Variants in CACNA2D2 observed in about 807,000 individuals in gnomAD.
The protein encoded by CACNA2D2 is calcium voltage-gated channel auxiliary subunit alpha2delta 2.
In CACNA2D2, 48 loss-of-function variants were observed where a neutral mutation model predicts 166.4. The observed-to-expected ratio is 0.29, with a 90% CI of 0.23 to 0.37. CACNA2D2 has a LOEUF of 0.37. CACNA2D2 is among the 10% of genes least tolerant of loss of function. The pLI is 1.00. For missense variants in CACNA2D2, 1,122 were observed against 1,433.0 expected, an observed-to-expected ratio of 0.78 and a Z score of 3.50; for synonymous variants, 561 against 573.7, an observed-to-expected ratio of 0.98 and a Z score of 0.32.
chr3:50,492,123 G>A (rs1321525416), intron 1 of CACNA2D2, among the ~76,000 whole-genome samples: 1 of 152,228 alleles, frequency 6.6e-6, no homozygotes, highest in Non-Finnish European at 1.5e-5. Flanking sequence ...CGCAAGATGA[G>A]AATGAAGTCT....
chr3:50,420,936 G>C (rs1707529519), intron 3 of CACNA2D2, among the ~76,000 whole-genome samples: 1 of 152,214 alleles, frequency 6.6e-6, no homozygotes. Flanking sequence ...GGCCTGGGCA[G>C]TTCCCAGGTG....
chr3:50,402,394 C>T (rs1706490723), intron 3 of CACNA2D2, among the ~76,000 whole-genome samples: 1 of 152,218 alleles, frequency 6.6e-6, no homozygotes, highest in Non-Finnish European at 1.5e-5. Flanking sequence ...CCACGTGCTG[C>T]AGGAAAGGTC....
Position 50,427,895 on chromosome 3 carries a change from C to T in CACNA2D2, c.405+6418G>A, listed in dbSNP as rs1311128964. On this transcript the variant is annotated intron_variant, in intron 3 of 37. Coordinates refer to ENST00000424201, the MANE Select transcript of CACNA2D2 (RefSeq NM_006030.4). This position sits in a 1 kb window ranked among gnomAD's most constrained non-coding sequence, Gnocchi z 4.7. ...TCTCACCCTCGTCAGTGAATGCACC[C>T]GTGGACTCAGCTGAACTGGCCTCCA... 6.6e-6 allele frequency among the ~76,000 whole-genome samples: 1 copy of T among 152,206 alleles called. No individual in the cohort carries two copies. Among genetic ancestry groups the T allele is most frequent in the Non-Finnish European group, 1.5e-5 (1 of 68,032 alleles).
At chr3:50,402,105 C>T (rs1169332663) in intron 3 of CACNA2D2, among the ~76,000 whole-genome samples, 1 of 152,226 alleles carries the variant, frequency 6.6e-6, no homozygotes, top group Non-Finnish European at 1.5e-5. Context: ...CAGGTGGTAA[C>T]AAGTATTCCA....
At chr3:50,418,180 C>T (rs904913713) in intron 3 of CACNA2D2, among the ~76,000 whole-genome samples, 5 of 152,084 alleles carry the variant, frequency 3.3e-5, no homozygotes, top group Admixed American at 6.5e-5. Flanking sequence ...TCTGCAGAGC[C>T]GCAGAAGAGG....
chr3:50,436,220 G>A (rs961235923), intron 2 of CACNA2D2, among the ~76,000 whole-genome samples: 2 of 152,158 alleles, frequency 1.3e-5, no homozygotes, highest in African/African-American at 2.4e-5. Flanking sequence ...GATGCCTCTG[G>A]AGAGTGGTGC....
intron 3 of CACNA2D2, among the ~76,000 whole-genome samples, chr3:50,418,083 A>T (rs1464401846): frequency 1.3e-5 from 2 of 152,178 alleles, no homozygotes; most frequent in African/African-American, 4.8e-5. Context: ...GCAGGACTGT[A>T]CTTGTGCTCC....
chr3:50,368,404 G>A (rs1200216366), intron 23 of CACNA2D2, among the ~76,000 whole-genome samples, 169 bp from the exon 24 acceptor site: 2 of 152,096 alleles, frequency 1.3e-5, no homozygotes, highest in African/African-American at 4.8e-5. Flanking sequence ...AGGCTGCTCG[G>A]GTCTGAGTCG....
chr3:50,412,588 GTTTTTC>G (rs1339800738), intron 3 of CACNA2D2, among the ~76,000 whole-genome samples: 14 of 122,594 alleles, frequency 1.1e-4, no homozygotes. Flanking sequence ...CATTGGCCAT[GTTTTTC>G]TTTTCTTTTT....
chr3:50,405,444 C>T (rs535960922), intron 3 of CACNA2D2, among the ~76,000 whole-genome samples: 2 of 152,288 alleles, frequency 1.3e-5, no homozygotes, highest in South Asian at 4.1e-4. Flanking sequence ...ACTTTCAGCA[C>T]CATGGACAGA....
intron 1 of CACNA2D2, 91 bp downstream of exon 1, chr3:50,503,127 G>A: frequency 1.4e-6 from 1 of 722,330 alleles, no homozygotes; most frequent in Admixed American, 5.1e-5. Context: ...CTCTGCCCTG[G>A]CGCGGAGCGC....
At chr3:50,420,306 A>T (rs77495508) in intron 3 of CACNA2D2, among the ~76,000 whole-genome samples, 3 of 152,190 alleles carry the variant, frequency 2.0e-5, no homozygotes, top group Non-Finnish European at 4.4e-5. Flanking sequence ...GGGTCCATCA[A>T]TGTGGCAGGC....
chr3:50,487,810 T>C (rs1698354067), intron 1 of CACNA2D2, among the ~76,000 whole-genome samples: 1 of 152,178 alleles, frequency 6.6e-6, no homozygotes. Context: ...CAACTTTCTG[T>C]AAATTCCCAA....
At chr3:50,456,493 A>G (rs2106983249) in intron 2 of CACNA2D2, among the ~76,000 whole-genome samples, 1 of 152,280 alleles carries the variant, frequency 6.6e-6, no homozygotes, top group South Asian at 2.1e-4. Flanking sequence ...GTTCTGGCTC[A>G]AGCTTGCTAG....
chr3:50,381,266 G>C lies in CACNA2D2; in HGVS notation c.653-140C>G, dbSNP rs908752638. On this transcript the variant is annotated intron_variant, in intron 6 of 37. Transcript: ENST00000424201. ...TATCCAGGCCCTCCCTATTTCCTAG[G>C]GCCCAGCTGGGGCTGCCCCAGCTCC... The C allele has an allele frequency of 1.1e-5, 10 of 934,790 alleles. No individual in the cohort carries two copies. The Admixed American group carries it at 2.2e-4, about 21-fold the overall frequency. The allele number at this position is 934,790 out of a possible 1,614,324, so 57.9% of individuals were successfully genotyped here.
At chr3:50,418,632 G>A (rs1315503399) in intron 3 of CACNA2D2, among the ~76,000 whole-genome samples, 1 of 152,234 alleles carries the variant, frequency 6.6e-6, no homozygotes, top group African/African-American at 2.4e-5. Flanking sequence ...GGGCCAGTGT[G>A]CAGGGATCTT....
chr3:50,456,083 C>T (rs1474005677), intron 2 of CACNA2D2, among the ~76,000 whole-genome samples: 7 of 152,140 alleles, frequency 4.6e-5, no homozygotes, highest in South Asian at 2.1e-4. Context: ...CTTGTGACAC[C>T]CCAGAAGGGA....
At chr3:50,462,779 T>G (rs991573068) in intron 2 of CACNA2D2, among the ~76,000 whole-genome samples, 6 of 152,112 alleles carry the variant, frequency 3.9e-5, no homozygotes, top group Non-Finnish European at 8.8e-5. Context: ...AGGGGGCTGC[T>G]GTGCTCCTAA....
At chr3:50,474,690 G>T (rs911241700) in intron 2 of CACNA2D2, among the ~76,000 whole-genome samples, 3 of 152,174 alleles carry the variant, frequency 2.0e-5, no homozygotes, top group Non-Finnish European at 4.4e-5. Context: ...TATGAAACTT[G>T]GAAAGGTGCT....
Sources: allele counts gnomAD v4.1 joint callset (sites outside exome capture counted in the v4.1 genomes callset), GRCh38; gene constraint gnomAD v4.1.1; non-coding constraint Gnocchi (gnomAD v3.1); transcripts MANE v1.5; gene names NCBI Gene and HGNC (gene_info 2026-07-23, HGNC 2026-07-21).